The following ZNF451 variants were observed in gnomAD, a reference collection of about 807,000 sequenced individuals.
ZNF451 encodes E3 SUMO-protein ligase ZNF451.
A neutral mutation model predicts 107.1 loss-of-function variants in ZNF451; 80 were observed. The observed-to-expected ratio is 0.75, with a 90% confidence interval of 0.62 to 0.90. The LOEUF (loss-of-function observed/expected upper bound fraction) is 0.90. ZNF451 is among the 40% of genes least tolerant of loss of function. The pLI, the probability that ZNF451 is intolerant of heterozygous loss-of-function variation, is 0.00. For missense variants in ZNF451, 1,107 were observed against 1,236.2 expected (o/e 0.90, Z 1.57); for synonymous variants, 362 against 406.5 (o/e 0.89, Z 1.32).
intron 10 of ZNF451, 92 bp downstream of exon 10, chr6:57,148,785 G>A (rs1832213471): frequency 1.6e-6 from 2 of 1,217,562 alleles, no homozygotes; most frequent in Non-Finnish European, 2.3e-6. Flanking sequence ...AAGAAACAGG[G>A]TAACTTCTTG....
chr6:57,141,619 T>C (rs1241834701), intron 8 of ZNF451, among the ~76,000 whole-genome samples, 164 bp downstream of exon 8: 1 of 152,180 alleles, frequency 6.6e-6, no homozygotes, highest in Non-Finnish European at 1.5e-5. Flanking sequence ...ATTCTTAATA[T>C]TTATTTGTAC....
Position 57,148,614 on chromosome 6 carries a change from A to G in ZNF451, c.2529A>G (p.Lys843=), listed in dbSNP as rs1832201277. 6.2e-7 allele frequency: 1 copy of G among 1,613,976 alleles called. No individual in the cohort carries two copies. Among genetic ancestry groups the G allele is most frequent in the Non-Finnish European group, 8.5e-7 (1 of 1,179,962 alleles). The change falls in exon 10 of 15, where the codon AAA becomes AAG. Residue 843 remains lysine (K), a synonymous_variant. Coordinates refer to ENST00000370706, the MANE Select transcript of ZNF451 (RefSeq NM_001031623.3). ...CTAGTGCCTCACATACAGAGAGAAA[A>G]CTGAAACAGGCAATAAACTATTCAA... ...FTASASHTER[K]LKQAINYSKS...
intron 3 of ZNF451, chr6:57,107,747 G>C: frequency 1.0e-6 from 1 of 985,196 alleles, no homozygotes; most frequent in Non-Finnish European, 1.2e-6. Flanking sequence ...TTTTCTTTTA[G>C]GACTTTGGAG....
At chr6:57,096,175 T>C (rs1829297918) in intron 2 of ZNF451, among the ~76,000 whole-genome samples, 1 of 134,650 alleles carries the variant, frequency 7.4e-6, no homozygotes. Context: ...TCTTTCTTTC[T>C]GTTTTTTTTT....
At chr6:57,152,171 C>T in intron 11 of ZNF451, 50 bp from the exon 12 acceptor site, 1 of 1,537,384 alleles carries the variant, frequency 6.5e-7, no homozygotes, top group Non-Finnish European at 8.7e-7. Context: ...AAATTTTTGG[C>T]CTTTCCTCTC....
At chr6:57,134,123 T>C (rs1831316402) in intron 6 of ZNF451, 1 of 152,342 alleles carries the variant, frequency 6.6e-6, no homozygotes, top group African/African-American at 2.4e-5. Context: ...CTTTTCCATA[T>C]GTCTCACCCT....
rs2127990918 is a variant in ZNF451, at chr6:57,169,735, C to T, written c.*1266C>T. 1 of 152,218 alleles carries T rather than the reference C, an allele frequency of 6.6e-6. No homozygotes were observed. 9.4% of individuals were successfully genotyped at this position (152,218 alleles called of 1,614,324 possible). A position where few individuals can be genotyped will look rare whatever the true frequency, so the allele number is the denominator to read the frequency against. ...TTCTTGATATGTCACTTCTGTTCCT[C>T]CCTGCTTGCATTTTTTAAAAACTAG... On this transcript the variant is annotated 3_prime_UTR_variant, in exon 15 of 15. Transcript: ENST00000370706.
intron 3 of ZNF451, chr6:57,102,804 CTG>C: frequency 1.0e-6 from 1 of 985,456 alleles, no homozygotes; most frequent in Non-Finnish European, 1.2e-6. Flanking sequence ...TGTAACATCT[CTG>C]TAGAAATTGC....
At chr6:57,153,407 T>C (rs1832438550) in intron 12 of ZNF451, among the ~76,000 whole-genome samples, 1 of 140,216 alleles carries the variant, frequency 7.1e-6, no homozygotes, top group Non-Finnish European at 1.5e-5. Flanking sequence ...TCTTTCTCTC[T>C]TTTTTTTTTT....
intron 3 of ZNF451, chr6:57,099,469 G>T (rs2127937665): frequency 1.4e-6 from 1 of 716,854 alleles, no homozygotes; most frequent in African/African-American, 1.7e-5. Context: ...CTCTCCTCAG[G>T]TGCCCTATAC....
At chr6:57,122,136 A>G (rs1224101732) in intron 3 of ZNF451, among the ~76,000 whole-genome samples, 2 of 152,210 alleles carry the variant, frequency 1.3e-5, no homozygotes, top group Non-Finnish European at 2.9e-5. Context: ...CAATCGAGAA[A>G]GGATACTCTA....
chr6:57,148,202 A>G lies in ZNF451; in HGVS notation c.2117A>G (p.Lys706Arg). The G allele has an allele frequency of 6.2e-7, 1 of 1,614,046 alleles. No individual in the cohort carries two copies. The highest frequency in any genetic ancestry group is 8.5e-7 in the Non-Finnish European group (1 of 1,179,968). The part of the protein sequence containing the change: ...FVSEKTETSI[K>R]TEDDFPVIET... Reference sequence around the variant, plus strand: ...TCAGAAAAAACTGAAACTTCAATTAAAACCGAAGATGATTTTCCAGTAATA... The same window carrying G: ...TCAGAAAAAACTGAAACTTCAATTAGAACCGAAGATGATTTTCCAGTAATA... Residue 706 changes from lysine to arginine, a missense_variant, in exon 10 of 15, where the codon AAA (lysine) becomes AGA (arginine). This residue lies in a region of ZNF451 where 608 missense variants were observed against 649.2 expected (regional missense o/e 0.94). Transcript: ENST00000370706.
At chr6:57,129,322 T>C (rs1831074454) in intron 5 of ZNF451, among the ~76,000 whole-genome samples, 1 of 152,184 alleles carries the variant, frequency 6.6e-6, no homozygotes, top group Admixed American at 6.5e-5. Flanking sequence ...TTACTAACTC[T>C]TTGCAGATCT....
intron 12 of ZNF451, among the ~76,000 whole-genome samples, chr6:57,152,903 G>T (rs1832415898): frequency 6.6e-6 from 1 of 152,046 alleles, no homozygotes; most frequent in Admixed American, 6.6e-5. Context: ...TGATGATACT[G>T]TATTTGATAT....
chr6:57,102,426 T>A (rs951898805), intron 3 of ZNF451: 1 of 1,014,534 alleles, frequency 9.9e-7, no homozygotes, highest in African/African-American at 1.7e-5. Context: ...TAAAGATGTG[T>A]TCCTCAGGAA....
At chr6:57,113,373 A>T (rs1830201466) in intron 3 of ZNF451, among the ~76,000 whole-genome samples, 2 of 147,002 alleles carry the variant, frequency 1.4e-5, no homozygotes, top group African/African-American at 2.5e-5. Flanking sequence ...CATTTTCTTT[A>T]CCTAGTCCTG....
intron 3 of ZNF451, chr6:57,101,057 A>G: frequency 6.4e-7 from 1 of 1,550,654 alleles, no homozygotes; most frequent in East Asian, 2.4e-5. Context: ...AGGCCAAGTG[A>G]GAACTCCTCA....
chr6:57,099,495 TTC>T (rs1428083075), intron 3 of ZNF451: 2 of 717,116 alleles, frequency 2.8e-6, no homozygotes, highest in Non-Finnish European at 5.2e-6. Context: ...GATTCTTTTG[TTC>T]CAGAACCACA....
chr6:57,148,057 G>T lies in ZNF451; in HGVS notation c.1972G>T (p.Glu658Ter). ...AACATTGTACCGACATTGCCAAGAT[G>T]AGCATGACAATGAGATAAAGATTAA... Reference protein sequence around the residue: ...IETLYRHCQDEHDNEIKIKYF... With the variant: ...IETLYRHCQD Residue 658 changes from glutamate (E) to a stop codon, truncating the protein, a stop_gained, in exon 10 of 15, where the codon GAG becomes TAG. Transcript: ENST00000370706. LOFTEE classifies it high-confidence loss of function. 2 of 1,614,036 alleles carry T rather than the reference G, an allele frequency of 1.2e-6. No individual in the cohort carries two copies. Among genetic ancestry groups the T allele is most frequent in the South Asian group, 2.2e-5 (2 of 91,038 alleles).
Sources: allele counts gnomAD v4.1 joint callset (sites outside exome capture counted in the v4.1 genomes callset), GRCh38; gene constraint gnomAD v4.1.1; regional missense constraint gnomAD v4.1.1; transcripts MANE v1.5; gene names NCBI Gene and HGNC (gene_info 2026-07-23, HGNC 2026-07-21).